Variants in ZNF143 observed in about 807,000 individuals in gnomAD.
The protein encoded by ZNF143 is SPH-binding factor.
In ZNF143, 49 loss-of-function variants were observed where a neutral mutation model predicts 74.1. The ratio of observed to expected loss-of-function variants is 0.66; its 90% CI spans 0.53 to 0.84. ZNF143 has a LOEUF of 0.84. ZNF143 is among the 40% of genes least tolerant of loss of function. The pLI is 0.00. For synonymous variants in ZNF143, 304 were observed against 282.8 expected (o/e 1.07, Z -0.75); for missense variants, 637 against 793.4 (o/e 0.80, Z 2.37).
At chr11:9,491,981 A>T (rs941809180) in intron 7 of ZNF143, among the ~76,000 whole-genome samples, 1 of 151,728 alleles carries the variant, frequency 6.6e-6, no homozygotes, top group Admixed American at 6.6e-5. Context: ...TTTTGCTCTT[A>T]TTGCCCAGGC....
chr11:9,461,413 GCCTT>G (rs1565013634), intron 1 of ZNF143, among the ~76,000 whole-genome samples: 1 of 152,184 alleles, frequency 6.6e-6, no homozygotes, highest in Non-Finnish European at 1.5e-5. Context: ...GCCCTCGGGA[GCCTT>G]GGCCGCGTTT....
chr11:9,465,406 T>G (rs1311713901), intron 1 of ZNF143, among the ~76,000 whole-genome samples: 2 of 152,034 alleles, frequency 1.3e-5, no homozygotes, highest in East Asian at 3.9e-4. Flanking sequence ...AGGCTGGTCT[T>G]GAACTCCTGA....
chr11:9,477,656 T>C (rs1857020275), intron 5 of ZNF143, among the ~76,000 whole-genome samples: 1 of 152,192 alleles, frequency 6.6e-6, no homozygotes, highest in Admixed American at 6.6e-5. Context: ...AAAATCACTA[T>C]TTTATATCAA....
chr11:9,520,386 T>C (rs1244925167), intron 14 of ZNF143, among the ~76,000 whole-genome samples: 3 of 150,138 alleles, frequency 2.0e-5, no homozygotes, highest in African/African-American at 7.4e-5. Flanking sequence ...TAGTCCCAGC[T>C]ACTCTTGAAG....
chr11:9,521,305 C>T (rs1358811977), intron 14 of ZNF143, among the ~76,000 whole-genome samples: 1 of 152,132 alleles, frequency 6.6e-6, no homozygotes, highest in African/African-American at 2.4e-5. Context: ...TGACAATTTG[C>T]TAATATCTTG....
chr11:9,497,610 T>A (rs1848007671), intron 9 of ZNF143, 65 bp from the exon 10 acceptor site: 1 of 1,268,188 alleles, frequency 7.9e-7, no homozygotes, highest in East Asian at 2.4e-5. Flanking sequence ...TTCAGTAGCT[T>A]ATTCTCAGTG....
Position 9,494,720 on chromosome 11 carries a change from A to G in ZNF143, c.720A>G (p.Glu240=), listed in dbSNP as rs1847900627. The change falls in exon 8 of 16, where the codon GAA becomes GAG. Residue 240 remains glutamate (E), a synonymous_variant. Transcript: ENST00000396602. ...GTGGAGAGAAGGCATTTCGATGTGA[A>G]TATGATGGATGTGGAAAATTATATA... ...QQSGEKAFRC[E]YDGCGKLYTT... is the part of the protein sequence containing the mutation. 3 of 1,613,472 alleles carry G rather than the reference A, an allele frequency of 1.9e-6. No homozygotes were observed. Among genetic ancestry groups the G allele is most frequent in the African/African-American group, 1.3e-5 (1 of 74,950 alleles).
intron 9 of ZNF143, among the ~76,000 whole-genome samples, chr11:9,496,948 C>G (rs772318646): frequency 1.3e-5 from 2 of 152,054 alleles, no homozygotes; most frequent in Non-Finnish European, 2.9e-5. Context: ...TTTATTTTAG[C>G]GGGAAAATAA....
At chr11:9,478,657 CA>C in intron 6 of ZNF143, 71 bp downstream of exon 6, 2 of 1,524,182 alleles carry the variant, frequency 1.3e-6, no homozygotes, top group South Asian at 1.3e-5. Context: ...GAAAAGAAAA[CA>C]AAAAAGTACA....
chr11:9,510,472 T>A (rs2134165587), intron 12 of ZNF143, among the ~76,000 whole-genome samples: 1 of 152,264 alleles, frequency 6.6e-6, no homozygotes, highest in Admixed American at 6.5e-5. Flanking sequence ...ATAATATACA[T>A]TTTATTTAAA....
intron 14 of ZNF143, among the ~76,000 whole-genome samples, chr11:9,523,783 C>T (rs367659908): frequency 8.6e-5 from 13 of 151,862 alleles, no homozygotes; most frequent in African/African-American, 2.9e-4. Flanking sequence ...CGCGGGGGCT[C>T]ACGTCTGTAA....
In ZNF143 at chr11:9,508,691, A is replaced by G; in HGVS notation, c.1220A>G (p.His407Arg). The G allele has an allele frequency of 6.2e-7, 1 of 1,614,152 alleles. No homozygotes were observed. ...ACAGAATATTCCAGTTTGTACAAACATCATGTTGTCCACACTCATTCCAAA... is the reference window on the plus strand; with the variant it reads ...ACAGAATATTCCAGTTTGTACAAACGTCATGTTGTCCACACTCATTCCAAA... ...RFTEYSSLYK[H>R]HVVHTHSKPY... The change falls in exon 12 of 16, where the codon CAT (histidine) becomes CGT (arginine). Residue 407 changes from histidine (H) to arginine (R), a missense_variant. Around this residue, in one of 2 missense-constraint regions of ZNF143, gnomAD observed 344 missense variants for 485.6 expected, o/e 0.71. Transcript: ENST00000396602.
intron 7 of ZNF143, among the ~76,000 whole-genome samples, chr11:9,488,521 A>G (rs939595922): frequency 1.1e-4 from 17 of 151,920 alleles, no homozygotes; most frequent in Non-Finnish European, 2.1e-4. Context: ...CCTAGACAGC[A>G]CTCCCCAGTC....
At chr11:9,462,213 A>G (rs957197133) in intron 1 of ZNF143, among the ~76,000 whole-genome samples, 49 of 150,450 alleles carry the variant, frequency 3.3e-4, no homozygotes, top group Admixed American at 1.0e-3. Context: ...AGTGTCCACT[A>G]TTTGGAAATT....
At chr11:9,512,995 A>G (rs1848605185) in intron 13 of ZNF143, among the ~76,000 whole-genome samples, 1 of 152,182 alleles carries the variant, frequency 6.6e-6, no homozygotes. Flanking sequence ...CCATTAAGAG[A>G]TCAGGAATCA....
chr11:9,479,375 C>CTT, intron 6 of ZNF143, 97 bp from the exon 7 acceptor site: 1 of 901,180 alleles, frequency 1.1e-6, no homozygotes, highest in Non-Finnish European at 1.6e-6. Flanking sequence ...TTTTCTTTTT[C>CTT]TTTTTTTTTG....
Position 9,524,173 on chromosome 11 carries a change from A to G in ZNF143, c.1687-1067A>G, listed in dbSNP as rs150426950. Among the ~76,000 whole-genome samples the G allele has an allele frequency of 2.4e-3, 358 of 151,716 alleles. 7 individuals carry two copies. Among genetic ancestry groups the G allele is most frequent in the African/African-American group, 8.1e-3 (333 of 41,338 alleles). On this transcript the variant is annotated intron_variant, in intron 14 of 15. Coordinates refer to ENST00000396602, the MANE Select transcript of ZNF143 (RefSeq NM_003442.6). ...TATTCTGGCAGCCCTGGACTCCATTATCTTTAACCTTAAGTTGCCCCAGGC... is the reference window on the plus strand; with the variant it reads ...TATTCTGGCAGCCCTGGACTCCATTGTCTTTAACCTTAAGTTGCCCCAGGC...
At chr11:9,476,018 C>A (rs1856868234) in intron 5 of ZNF143, among the ~76,000 whole-genome samples, 1 of 150,614 alleles carries the variant, frequency 6.6e-6, no homozygotes, top group South Asian at 2.1e-4. Flanking sequence ...TATACAATGT[C>A]AAAAATATTT....
chr11:9,506,873 A>G (rs1341671063), intron 11 of ZNF143, among the ~76,000 whole-genome samples: 2 of 151,936 alleles, frequency 1.3e-5, no homozygotes, highest in East Asian at 3.9e-4. Context: ...GTAACTAGCC[A>G]GTAAGGGAGC....
Sources: allele counts gnomAD v4.1 joint callset (sites outside exome capture counted in the v4.1 genomes callset), GRCh38; gene constraint gnomAD v4.1.1; regional missense constraint gnomAD v4.1.1; transcripts MANE v1.5; gene names NCBI Gene and HGNC (gene_info 2026-07-23, HGNC 2026-07-21).